The following PCSK6 variants were observed in gnomAD, a reference collection of about 807,000 sequenced individuals.
The protein encoded by PCSK6 is proprotein convertase subtilisin/kexin type 6.
PCSK6 carries 85 observed loss-of-function variants against 123.3 expected under a neutral mutation model. That is an observed-to-expected ratio of 0.69 (90% CI 0.58 to 0.83). The LOEUF (loss-of-function observed/expected upper bound fraction) is 0.83, where lower values mean the gene tolerates loss of function less well. PCSK6 is among the 40% of genes least tolerant of loss of function. The pLI is 0.00. For missense variants in PCSK6, 1,191 were observed against 1,282.3 expected, an observed-to-expected ratio of 0.93 and a Z score of 1.09; for synonymous variants, 508 against 516.0, an observed-to-expected ratio of 0.98 and a Z score of 0.21.
chr15:101,313,061 G>T (rs1321584881), intron 20 of PCSK6: 9 of 1,281,400 alleles, frequency 7.0e-6, no homozygotes, highest in Non-Finnish European at 9.0e-6. Context: ...ACAGTGCAAA[G>T]GATGCATGCT....
intron 13 of PCSK6, among the ~76,000 whole-genome samples, chr15:101,333,538 CT>C (rs1426783701): frequency 2.6e-5 from 4 of 152,198 alleles, no homozygotes; most frequent in African/African-American, 9.7e-5. Context: ...TGCTCTGATT[CT>C]TTGCTGTTGA....
chr15:101,337,830 T>C (rs553715699), intron 13 of PCSK6, among the ~76,000 whole-genome samples: 1 of 152,338 alleles, frequency 6.6e-6, no homozygotes, highest in South Asian at 2.1e-4. Context: ...AAACATTTTT[T>C]TTTACAGCAA....
intron 13 of PCSK6, among the ~76,000 whole-genome samples, chr15:101,336,099 A>ATGTG (rs1403404743): frequency 6.6e-6 from 1 of 152,242 alleles, no homozygotes; most frequent in Non-Finnish European, 1.5e-5. Context: ...ATAGTGCTCT[A>ATGTG]TCCTTGGTCA....
intron 7 of PCSK6, among the ~76,000 whole-genome samples, chr15:101,395,893 C>T (rs1454467814): frequency 6.6e-6 from 1 of 152,144 alleles, no homozygotes; most frequent in Non-Finnish European, 1.5e-5. Context: ...GCCAGGCTTC[C>T]TAAGGACCAA....
At chr15:101,411,526 T>C (rs2055685746) in intron 6 of PCSK6, among the ~76,000 whole-genome samples, 1 of 152,034 alleles carries the variant, frequency 6.6e-6, no homozygotes, top group Non-Finnish European at 1.5e-5. Context: ...TGTGAGCACA[T>C]GCAGGGGTGG....
intron 19 of PCSK6, among the ~76,000 whole-genome samples, chr15:101,317,703 G>A (rs1346969905): frequency 6.6e-6 from 1 of 152,140 alleles, no homozygotes; most frequent in Non-Finnish European, 1.5e-5. Context: ...GCTTATGAGT[G>A]GTGAGCATCT....
At chr15:101,429,783 G>A (rs1214356869) in intron 5 of PCSK6, among the ~76,000 whole-genome samples, 1 of 152,240 alleles carries the variant, frequency 6.6e-6, no homozygotes, top group Non-Finnish European at 1.5e-5. Context: ...ACACCCCAGA[G>A]GAACAGGCTG....
chr15:101,344,596 G>A lies in PCSK6; in HGVS notation c.1859-12565C>T, dbSNP rs112592689. Among the ~76,000 whole-genome samples, 236 of 152,308 alleles carry A rather than the reference G, an allele frequency of 1.5e-3. 2 individuals are homozygous for A. Among genetic ancestry groups the A allele is most frequent in the African/African-American group, 5.4e-3 (225 of 41,572 alleles). ...GCAAGGGAGTCTGTGGGGTGGAGGA[G>A]TGGAGAATGGATCTGGTGGGTAAAT... is the stretch of plus-strand genomic sequence containing the variant. On this transcript the variant is annotated intron_variant, in intron 13 of 21. Transcript: ENST00000611716.
intron 13 of PCSK6, among the ~76,000 whole-genome samples, chr15:101,341,481 T>G (rs1157389947): frequency 6.6e-6 from 1 of 152,082 alleles, no homozygotes; most frequent in Non-Finnish European, 1.5e-5. Context: ...ACACTGGTCT[T>G]GAACTCCTCA....
chr15:101,471,528 A>C (rs1421356718), intron 1 of PCSK6, among the ~76,000 whole-genome samples: 1 of 152,222 alleles, frequency 6.6e-6, no homozygotes, highest in Admixed American at 6.5e-5. Flanking sequence ...ATTTGTCAAC[A>C]CATCTTATTT....
intron 1 of PCSK6, among the ~76,000 whole-genome samples, chr15:101,446,906 A>C (rs2056905142): frequency 6.6e-6 from 1 of 152,078 alleles, no homozygotes; most frequent in African/African-American, 2.4e-5. Flanking sequence ...TGTCTGACTC[A>C]TGTGGTCCTG....
chr15:101,406,254 G>A (rs1341231237), intron 6 of PCSK6, among the ~76,000 whole-genome samples: 1 of 152,072 alleles, frequency 6.6e-6, no homozygotes, highest in East Asian at 1.9e-4. Context: ...ATCAATACAA[G>A]TCAGCCCTCC....
chr15:101,330,359 C>A (rs995780921), intron 15 of PCSK6, among the ~76,000 whole-genome samples: 2 of 152,246 alleles, frequency 1.3e-5, no homozygotes, highest in Non-Finnish European at 2.9e-5. Context: ...AGTCCAGGTG[C>A]AGCCTCCACT....
At chr15:101,450,512 C>T (rs1372896062) in intron 1 of PCSK6, among the ~76,000 whole-genome samples, 3 of 152,224 alleles carry the variant, frequency 2.0e-5, no homozygotes, top group Non-Finnish European at 4.4e-5. Context: ...CTCCCTCCAC[C>T]ATAAGCCTTC....
intron 13 of PCSK6, chr15:101,347,856 A>C (rs1250203602): frequency 8.5e-7 from 1 of 1,181,836 alleles, no homozygotes; most frequent in Non-Finnish European, 1.3e-6. Context: ...ACAGGAGTGG[A>C]GGGCAGCAGG....
chr15:101,427,003 G>A (rs2056280061), intron 6 of PCSK6, among the ~76,000 whole-genome samples: 1 of 152,206 alleles, frequency 6.6e-6, no homozygotes, highest in African/African-American at 2.4e-5. Context: ...ACTCCTCTCT[G>A]CTGCCCCCAC....
chr15:101,450,905 C>T (rs139721648), intron 1 of PCSK6, among the ~76,000 whole-genome samples: 176 of 152,108 alleles, frequency 1.2e-3, no homozygotes, highest in African/African-American at 4.0e-3. Flanking sequence ...AAGGCCTGGC[C>T]GGGCACTCCC....
At chr15:101,446,702 G>C (rs2056899528) in intron 1 of PCSK6, among the ~76,000 whole-genome samples, 1 of 152,222 alleles carries the variant, frequency 6.6e-6, no homozygotes, top group South Asian at 2.1e-4. Context: ...ATTTGCTGCT[G>C]AGAGTATCAG....
chr15:101,450,959 GAGA>G (rs1039877447), intron 1 of PCSK6, among the ~76,000 whole-genome samples: 1 of 151,732 alleles, frequency 6.6e-6, no homozygotes, highest in Non-Finnish European at 1.5e-5. Flanking sequence ...CACCAGCCAT[GAGA>G]AGAACTCTCG....
Sources: allele counts gnomAD v4.1 joint callset (sites outside exome capture counted in the v4.1 genomes callset), GRCh38; gene constraint gnomAD v4.1.1; transcripts MANE v1.5; gene names NCBI Gene and HGNC (gene_info 2026-07-23, HGNC 2026-07-21).